ANKRD17: variants seen among roughly 807,000 people sequenced by gnomAD.
ANKRD17 encodes ankyrin repeat domain 17.
ANKRD17 carries 19 observed loss-of-function variants against 229.7 expected under a neutral mutation model. That is an observed-to-expected ratio of 0.08 (90% confidence interval 0.06 to 0.12). ANKRD17 has a LOEUF of 0.12. ANKRD17 is among the 10% of genes least tolerant of loss of function. The pLI, the probability that ANKRD17 is intolerant of heterozygous loss-of-function variation, is 1.00. For synonymous variants in ANKRD17, 1,112 were observed against 1,146.1 expected (o/e 0.97, Z 0.60); for missense variants, 2,176 against 3,176.8 (o/e 0.68, Z 7.57).
intron 16 of ANKRD17, among the ~76,000 whole-genome samples, chr4:73,128,059 G>A (rs1309944247): frequency 6.6e-6 from 1 of 152,210 alleles, no homozygotes; most frequent in Non-Finnish European, 1.5e-5. Context: ...CAACAATGGA[G>A]AAGGACATGA....
At chr4:73,213,003 G>A (rs1740510224) in intron 1 of ANKRD17, among the ~76,000 whole-genome samples, 1 of 143,494 alleles carries the variant, frequency 7.0e-6, no homozygotes, top group Non-Finnish European at 1.5e-5. Context: ...CTCCAGCTTG[G>A]GAGACAAAGC....
intron 1 of ANKRD17, among the ~76,000 whole-genome samples, chr4:73,255,393 CA>C (rs1560794347): frequency 6.6e-6 from 1 of 152,206 alleles, no homozygotes; most frequent in Non-Finnish European, 1.5e-5. Flanking sequence ...TAACCTTTCA[CA>C]TTCCTTTTTA....
In ANKRD17 at chr4:73,098,316, T is replaced by C; in HGVS notation, c.4778A>G (p.Tyr1593Cys). Residue 1593 changes from tyrosine to cysteine, a missense_variant, in exon 26 of 34, where the codon TAC becomes TGC. Transcript: ENST00000358602. ...IIFDDPLPIS[Y>C]SQPEKVNGES... ...TCCATTCACCTTCTCTGGCTGACTGTATGAAATTGGTAGTGGATCATCAAA... is the reference window on the plus strand; with the variant it reads ...TCCATTCACCTTCTCTGGCTGACTGCATGAAATTGGTAGTGGATCATCAAA... The C allele has an allele frequency of 6.2e-7, 1 of 1,614,250 alleles. No individual in the cohort carries two copies. The highest frequency in any genetic ancestry group is 8.5e-7 in the Non-Finnish European group (1 of 1,180,038).
rs747727221 is a variant in ANKRD17 at position 73,155,972 on chromosome 4, C to A, written c.852+47G>T. Reference sequence around the variant, plus strand: ...TTTATTATTTCCTTAGTAAGCAAGCCAGTTTTTAAAAAAACAACAAATAAG... The same window carrying A: ...TTTATTATTTCCTTAGTAAGCAAGCAAGTTTTTAAAAAAACAACAAATAAG... On this transcript the variant is annotated intron_variant, in intron 4 of 33. Transcript: ENST00000358602. 5 of 1,532,006 alleles carry A rather than the reference C, an allele frequency of 3.3e-6. No homozygotes were observed. In the Admixed American group the frequency reaches 1.1e-4, roughly 34 times the overall value. 94.9% of individuals were successfully genotyped at this position (1,532,006 alleles called of 1,614,324 possible). A position where few individuals can be genotyped will look rare whatever the true frequency, so the allele number is the denominator to read the frequency against.
At chr4:73,133,388 T>C (rs1218342675) in intron 16 of ANKRD17, among the ~76,000 whole-genome samples, 2 of 125,658 alleles carry the variant, frequency 1.6e-5, no homozygotes, top group African/African-American at 6.0e-5. Context: ...GAATGTCTCG[T>C]GTTTTTTTTT....
intron 28 of ANKRD17, 143 bp from the exon 29 acceptor site, chr4:73,092,443 C>T (rs1480651180): frequency 2.9e-6 from 2 of 689,522 alleles, no homozygotes; most frequent in East Asian, 5.5e-5. Flanking sequence ...GGACAGATAA[C>T]AAAAGCTGGG....
At chr4:73,171,708 C>T (rs777930112) in intron 2 of ANKRD17, among the ~76,000 whole-genome samples, 5 of 152,050 alleles carry the variant, frequency 3.3e-5, no homozygotes, top group African/African-American at 7.2e-5. Context: ...ATAAATTTAA[C>T]GAAGAGACTG....
intron 16 of ANKRD17, among the ~76,000 whole-genome samples, chr4:73,130,925 T>C (rs1728115320): frequency 6.6e-6 from 1 of 152,212 alleles, no homozygotes; most frequent in Admixed American, 6.5e-5. Flanking sequence ...AAAAAATCTC[T>C]ACATAATTCC....
intron 1 of ANKRD17, among the ~76,000 whole-genome samples, chr4:73,177,862 A>T (rs1019990199): frequency 1.3e-5 from 2 of 152,200 alleles, no homozygotes; most frequent in African/African-American, 4.8e-5. Flanking sequence ...AACTGTGAAT[A>T]GAAGACCTAA....
At chr4:73,175,095 T>C (rs1018456792) in intron 2 of ANKRD17, among the ~76,000 whole-genome samples, 1 of 152,176 alleles carries the variant, frequency 6.6e-6, no homozygotes, top group African/African-American at 2.4e-5. Context: ...TGTTTTCACA[T>C]TGCTATAAAT....
chr4:73,213,876 T>C (rs1346041447), intron 1 of ANKRD17, among the ~76,000 whole-genome samples: 3 of 152,084 alleles, frequency 2.0e-5, no homozygotes, highest in African/African-American at 7.2e-5. Flanking sequence ...CTTGACCAGA[T>C]GAAAACCAAA....
At position 73,165,531 on chromosome 4, in the gene ANKRD17, G is replaced by T. The variant is rs560575431; in HGVS notation, c.548-4183C>A. Among the ~76,000 whole-genome samples the T allele has an allele frequency of 5.4e-4, 82 of 152,274 alleles. 1 individual carries two copies. In the South Asian group the frequency reaches 0.016, roughly 29 times the overall value. On this transcript the variant is annotated intron_variant, in intron 2 of 33. Coordinates refer to ENST00000358602, the MANE Select transcript of ANKRD17 (RefSeq NM_032217.5). The stretch of plus-strand genomic sequence containing the variant: ...TTATTCAGAAGACAAACACTGGCAG[G>T]TGTGTGTCTAATAAAATGATCCTAA...
intron 1 of ANKRD17, among the ~76,000 whole-genome samples, chr4:73,199,627 A>C (rs1738382176): frequency 6.6e-6 from 1 of 152,152 alleles, no homozygotes; most frequent in East Asian, 1.9e-4. Flanking sequence ...TCCTCCCCTC[A>C]GTCACGGTCT....
At chr4:73,151,357 G>T in intron 7 of ANKRD17, 73 bp downstream of exon 7, 2 of 1,304,540 alleles carry the variant, frequency 1.5e-6, no homozygotes, top group Non-Finnish European at 2.2e-6. Flanking sequence ...CATTGGAAAG[G>T]CATTCATTGT....
intron 1 of ANKRD17, among the ~76,000 whole-genome samples, chr4:73,236,384 C>A (rs1743515250): frequency 6.6e-6 from 1 of 152,064 alleles, no homozygotes; most frequent in African/African-American, 2.4e-5. Flanking sequence ...AAACTCCCAG[C>A]CTCAAGCAAT....
At position 73,148,809 on chromosome 4, in the gene ANKRD17, T is replaced by C. The variant is rs748630527; in HGVS notation, c.1567+4A>G. 3.8e-5 allele frequency: 61 copies of C among 1,611,714 alleles called. No homozygotes were observed. The highest frequency in any genetic ancestry group is 1.6e-4 in the Middle Eastern group (1 of 6,082). Reference sequence around the variant, plus strand: ...TACTTTAGTGTCTTGATAGATACGGTTACCTTGACCAAGAAGTAATGCCAC... The same window carrying C: ...TACTTTAGTGTCTTGATAGATACGGCTACCTTGACCAAGAAGTAATGCCAC... On this transcript the variant is annotated splice_donor_region_variant and intron_variant, in intron 8 of 33. Transcript: ENST00000358602.
Position 73,153,319 on chromosome 4 carries a change from C to T in ANKRD17, c.1234+561G>A, listed in dbSNP as rs548883015. On this transcript the variant is annotated intron_variant, in intron 6 of 33. Coordinates refer to ENST00000358602, the MANE Select transcript of ANKRD17 (RefSeq NM_032217.5). ...TATGACTTTTTTTAATAAAAAACTT[C>T]CTTAATAAAAAATTTTCTTAATTTA... Among the ~76,000 whole-genome samples the T allele has an allele frequency of 5.5e-4, 83 of 152,002 alleles. 1 individual carries two copies. The South Asian group carries it at 0.016, about 29-fold the overall frequency.
intron 2 of ANKRD17, among the ~76,000 whole-genome samples, chr4:73,172,298 A>T (rs760987552): frequency 6.6e-6 from 1 of 152,222 alleles, no homozygotes; most frequent in Non-Finnish European, 1.5e-5. Flanking sequence ...AAAAAATTTT[A>T]TCCTATAATA....
chr4:73,088,820 C>T (rs1469486376), intron 29 of ANKRD17, among the ~76,000 whole-genome samples: 1 of 151,954 alleles, frequency 6.6e-6, no homozygotes, highest in African/African-American at 2.4e-5. Context: ...GTCATATTTC[C>T]AATAACACAG....
Sources: gnomAD v4.1 joint callset for allele counts (sites outside exome capture counted in the v4.1 genomes callset) on GRCh38, gnomAD v4.1.1 for gene constraint, MANE v1.5 for transcripts, NCBI Gene and HGNC (gene_info 2026-07-23, HGNC 2026-07-21) for gene names.